Variants in BAHCC1 observed in about 807,000 individuals in gnomAD.
BAHCC1 encodes BAH and coiled-coil domain-containing protein 1.
In BAHCC1, 43 loss-of-function variants were observed where a neutral mutation model predicts 88.2. The ratio of observed to expected loss-of-function variants is 0.49; its 90% confidence interval spans 0.38 to 0.63. The LOEUF (loss-of-function observed/expected upper bound fraction) is 0.63, where lower values mean the gene tolerates loss of function less well. BAHCC1 is among the 20% of genes least tolerant of loss of function. BAHCC1 has a pLI of 0.00. For missense variants in BAHCC1, 3,023 were observed against 1,654.8 expected (o/e 1.83, Z -14.34); for synonymous variants, 1,510 against 745.5 (o/e 2.03, Z -16.71).
At chr17:81,416,104 A>ATGGGTG (rs1555648634) in intron 2 of BAHCC1, among the ~76,000 whole-genome samples, 1 of 94,910 alleles carries the variant, frequency 1.1e-5, no homozygotes, top group Admixed American at 1.0e-4. Context: ...GTCCATGAGG[A>ATGGGTG]TGGGTGTGTG....
In BAHCC1 at chr17:81,441,953, CG is replaced by C; in HGVS notation, c.608del (p.Gly203ValfsTer97). On this transcript the variant is annotated frameshift_variant, in exon 5 of 28. Transcript: ENST00000675386. LOFTEE classifies it high-confidence loss of function. ...GGGCTCCTGCAGCCGGGATCGAGAC[CG>C]GGGTGAGGCAGGCTCCCTGCAGAAG... Reference protein sequence around the residue: ...PMGSCSRDRDRGEAGSLQKGP... With the variant: ...PMGSCSRDRDXGEAGSLQKGP... The C allele has an allele frequency of 1.3e-6, 1 of 746,586 alleles. No individual in the cohort carries two copies. The allele number at this position is 746,586 out of a possible 1,614,324, so 46.2% of individuals were successfully genotyped here.
At chr17:81,419,316 C>T (rs782066392) in intron 2 of BAHCC1, among the ~76,000 whole-genome samples, 1 of 152,270 alleles carries the variant, frequency 6.6e-6, no homozygotes, top group African/African-American at 2.4e-5. Context: ...ACACCCCTGC[C>T]TCCAAGCAGG....
chr17:81,462,664 C>T (rs2030406733), intron 26 of BAHCC1, 76 bp from the exon 27 acceptor site: 4 of 697,252 alleles, frequency 5.7e-6, no homozygotes, highest in Non-Finnish European at 7.9e-6. Flanking sequence ...ACACCACACC[C>T]TCCATGCCTC....
chr17:81,456,952 C>A (rs1214040113), intron 16 of BAHCC1, among the ~76,000 whole-genome samples: 1 of 152,148 alleles, frequency 6.6e-6, no homozygotes, highest in Non-Finnish European at 1.5e-5. Flanking sequence ...ACCACCCCCC[C>A]CAGCAAACAC....
chr17:81,448,756 C>T (rs1389332564), intron 11 of BAHCC1, among the ~76,000 whole-genome samples: 2 of 152,182 alleles, frequency 1.3e-5, no homozygotes, highest in Non-Finnish European at 2.9e-5. Flanking sequence ...GGGGTGGTTC[C>T]GCAGTGCTGG....
chr17:81,395,826 A>G (rs1317901598), intron 1 of BAHCC1, 191 bp downstream of exon 1: 2 of 152,046 alleles, frequency 1.3e-5, no homozygotes, highest in Non-Finnish European at 2.9e-5. Flanking sequence ...TTCTTAAAAA[A>G]TATGGACTAT....
At chr17:81,416,826 C>T (rs1447463483) in intron 2 of BAHCC1, among the ~76,000 whole-genome samples, 1 of 152,224 alleles carries the variant, frequency 6.6e-6, no homozygotes, top group Non-Finnish European at 1.5e-5. Context: ...CAGCCTGTGG[C>T]TGGTCCACTT....
Position 81,463,905 on chromosome 17 carries a change from C to G in BAHCC1, c.*88C>G, listed in dbSNP as rs1555660158. ...CCAAGCCACCGGGCAGGAGGCAGCCCCGGCCTCCCAAGGGCGCATCTGAGC... is the reference window on the plus strand; with the variant it reads ...CCAAGCCACCGGGCAGGAGGCAGCCGCGGCCTCCCAAGGGCGCATCTGAGC... On this transcript the variant is annotated 3_prime_UTR_variant, in exon 28 of 28. Transcript: ENST00000675386. The G allele has an allele frequency of 1.5e-6, 1 of 682,400 alleles. No individual in the cohort carries two copies. The highest frequency in any genetic ancestry group is 2.7e-6 in the Non-Finnish European group (1 of 372,816). The allele number at this position is 682,400 out of a possible 1,614,324, so 42.3% of individuals were successfully genotyped here. A position where few individuals can be genotyped will look rare whatever the true frequency, so the allele number is the denominator to read the frequency against.
At chr17:81,439,630 G>A (rs567793255) in intron 4 of BAHCC1, among the ~76,000 whole-genome samples, 3 of 152,054 alleles carry the variant, frequency 2.0e-5, no homozygotes, top group African/African-American at 7.2e-5. Flanking sequence ...GAGAAGGGAG[G>A]TGGGGACAGA....
Position 81,399,493 on chromosome 17 carries a change from C to A in BAHCC1, c.-206-41C>A. 7.9e-6 allele frequency: 2 copies of A among 251,620 alleles called. No individual in the cohort carries two copies. Among genetic ancestry groups the A allele is most frequent in the Non-Finnish European group, 1.7e-5 (2 of 117,440 alleles). 15.6% of individuals were successfully genotyped at this position (251,620 alleles called of 1,614,324 possible). ...GGCGGGGACCCCCGGGCGAGCCGAG[C>A]CCCCCAGTCACCCGTGTCTCCTCTG... On this transcript the variant is annotated intron_variant, in intron 1 of 27. Transcript: ENST00000675386. The surrounding 1 kb of genome is among the most constrained non-coding windows in gnomAD (Gnocchi z 4.5).
chr17:81,457,614 G>A (rs782046555), intron 17 of BAHCC1, 22 bp downstream of exon 17: 3 of 692,676 alleles, frequency 4.3e-6, no homozygotes, highest in Non-Finnish European at 8.0e-6. Context: ...GGAGGACAGG[G>A]GTTGCTAGGT....
chr17:81,443,649 T>A, intron 5 of BAHCC1, 85 bp downstream of exon 5: 1 of 624,812 alleles, frequency 1.6e-6, no homozygotes, highest in South Asian at 1.8e-5. Context: ...GCTCCCCAGC[T>A]CCCACACCTG....
At position 81,442,339 on chromosome 17, in the gene BAHCC1, C is replaced by T. The variant is rs545586429; in HGVS notation, c.990C>T (p.Pro330=). The T allele has an allele frequency of 2.4e-4, 167 of 692,680 alleles. No homozygotes were observed. The highest frequency in any genetic ancestry group is 5.3e-4 in the Admixed American group (25 of 47,290). 42.9% of individuals were successfully genotyped at this position (692,680 alleles called of 1,614,324 possible). A position where few individuals can be genotyped will look rare whatever the true frequency, so the allele number is the denominator to read the frequency against. ...CAKEAAGPPE[P]GPAFSECLER... ...AGGAGGCAGCAGGCCCCCCGGAGCC[C>T]GGGCCGGCCTTCAGCGAGTGCCTGG... The change falls in exon 5 of 28, where the codon CCC becomes CCT. Residue 330 remains proline (P), a synonymous_variant. Transcript: ENST00000675386.
intron 4 of BAHCC1, among the ~76,000 whole-genome samples, chr17:81,439,904 C>T (rs1302424778): frequency 6.6e-6 from 1 of 152,162 alleles, no homozygotes; most frequent in Non-Finnish European, 1.5e-5. Context: ...CCCCTCAGCC[C>T]CTTCTCCCCA....
At position 81,399,718 on chromosome 17, in the gene BAHCC1, C is replaced by T; in HGVS notation, c.-22C>T. ...CCGCGCTGCTCCGAGGAAGCGGCGG[C>T]GGACCGGGGCCGGGGCCCGGCATGG... On this transcript the variant is annotated 5_prime_UTR_variant, in exon 2 of 28. Transcript: ENST00000675386. This position sits in a 1 kb window ranked among gnomAD's most constrained non-coding sequence, Gnocchi z 4.5. 6.8e-6 allele frequency: 7 copies of T among 1,036,418 alleles called. No individual in the cohort carries two copies. Among genetic ancestry groups the T allele is most frequent in the Non-Finnish European group, 6.9e-6 (6 of 864,812 alleles). 64.2% of individuals were successfully genotyped at this position (1,036,418 alleles called of 1,614,324 possible). A position where few individuals can be genotyped will look rare whatever the true frequency, so the allele number is the denominator to read the frequency against.
intron 27 of BAHCC1, 81 bp from the exon 28 acceptor site, chr17:81,463,530 G>C: frequency 1.3e-6 from 1 of 753,280 alleles, no homozygotes; most frequent in Non-Finnish European, 2.5e-6. Flanking sequence ...CAGAGCATGG[G>C]TGGGCGGGTG....
At position 81,396,283 on chromosome 17, in the gene BAHCC1, A is replaced by AT. The variant is rs1201883951; in HGVS notation, c.-207+658dup. On this transcript the variant is annotated intron_variant, in intron 1 of 27. Transcript: ENST00000675386. ...TTCGGGTCTTCGTTCCCAATTCAGA[A>AT]TTTTTTTTTTCCGGAGAAGTGGGGG... The AT allele has an allele frequency of 3.8e-4, 57 of 149,684 alleles. No individual in the cohort carries two copies. The East Asian group carries it at 8.6e-3, about 23-fold the overall frequency. The allele number at this position is 149,684 out of a possible 1,614,324, so 9.3% of individuals were successfully genotyped here.
chr17:81,458,646 C>T lies in BAHCC1; in HGVS notation c.5369C>T (p.Thr1790Met), dbSNP rs782463831. ...LRRKNGALSITLATRNAKAIL... is the reference protein window; with the variant it reads ...LRRKNGALSIMLATRNAKAIL... ...CGGAAGAACGGGGCCCTGTCCATCA[C>T]GCTGGCCACACGCAACGCCAAGGCC... The change falls in exon 19 of 28, where the codon ACG (threonine) becomes ATG (methionine). Residue 1790 changes from threonine to methionine, a missense_variant. Physicochemically the swap from Thr to Met is moderately conservative, Grantham distance 81. Transcript: ENST00000675386. 3.9e-5 allele frequency: 28 copies of T among 718,932 alleles called. 1 individual carries two copies. Among genetic ancestry groups the T allele is most frequent in the Admixed American group, 8.0e-5 (4 of 50,176 alleles). 44.5% of individuals were successfully genotyped at this position (718,932 alleles called of 1,614,324 possible).
At chr17:81,437,311 G>T (rs1178399846) in intron 3 of BAHCC1, among the ~76,000 whole-genome samples, 2 of 152,258 alleles carry the variant, frequency 1.3e-5, no homozygotes, top group African/African-American at 4.8e-5. Flanking sequence ...AGGCCGGCCG[G>T]CACTGGCACC....
Sources: gnomAD v4.1 joint callset for allele counts (sites outside exome capture counted in the v4.1 genomes callset) on GRCh38, gnomAD v4.1.1 for gene constraint, Gnocchi (gnomAD v3.1) non-coding constraint, MANE v1.5 for transcripts, NCBI Gene and HGNC (gene_info 2026-07-23, HGNC 2026-07-21) for gene names.